The following GALNT18 variants were observed in gnomAD, a reference collection of about 807,000 sequenced individuals.
GALNT18 encodes the protein GalNAc-transferase 18.
In GALNT18, 44 loss-of-function variants were observed where a neutral mutation model predicts 69.5. That is an observed-to-expected ratio of 0.63 (90% CI 0.50 to 0.81). The LOEUF (loss-of-function observed/expected upper bound fraction) is 0.81, where lower values mean the gene tolerates loss of function less well. Among genes scored for constraint, GALNT18 ranks in the 40% least tolerant of loss-of-function variants. The probability of loss-of-function intolerance (pLI) is 0.00; values close to 1 mark genes in which losing one functional copy is unlikely to be tolerated. For synonymous variants in GALNT18, 364 were observed against 318.2 expected (o/e 1.14, Z -1.53); for missense variants, 715 against 810.0 (o/e 0.88, Z 1.42).
At chr11:11,280,403 ACCTCCAGGGAGAAGGATC>A (rs1181953775) in intron 10 of GALNT18, among the ~76,000 whole-genome samples, 2 of 151,842 alleles carry the variant, frequency 1.3e-5, no homozygotes, top group African/African-American at 2.4e-5. Context: ...TCTGCTTGGC[ACCTCCAGGGAGAAGGATC>A]TCACCCCCTC....
chr11:11,422,390 A>G (rs890346530), intron 3 of GALNT18, among the ~76,000 whole-genome samples: 5 of 152,184 alleles, frequency 3.3e-5, no homozygotes, highest in Non-Finnish European at 7.4e-5. Flanking sequence ...GTTGCCAGGT[A>G]TTTGCTGCCA....
At chr11:11,291,153 G>T (rs1849289604) in intron 10 of GALNT18, among the ~76,000 whole-genome samples, 1 of 152,190 alleles carries the variant, frequency 6.6e-6, no homozygotes, top group South Asian at 2.1e-4. Context: ...GAAGGCTTCT[G>T]CTAGGCACAG....
intron 1 of GALNT18, among the ~76,000 whole-genome samples, chr11:11,607,894 T>A (rs1480060925): frequency 2.0e-5 from 3 of 152,256 alleles, no homozygotes; most frequent in Non-Finnish European, 4.4e-5. Context: ...TTCCTGGCAT[T>A]GTCTGCTGCC....
Position 11,271,186 on chromosome 11 carries a change from C to CT in GALNT18, c.1781dup (p.His595AlafsTer71), listed in dbSNP as rs751167868. ...TCAGGACGTTGGTGATGCTCCAGTG[C>CT]TGGCCCGAGCACTTCTGCAACACCA... On this transcript the variant is annotated frameshift_variant, in exon 11 of 11. Coordinates refer to ENST00000227756, the MANE Select transcript of GALNT18 (RefSeq NM_198516.3). LOFTEE classifies it high-confidence loss of function. The CT allele has an allele frequency of 6.2e-7, 1 of 1,614,098 alleles. No individual in the cohort carries two copies. Among genetic ancestry groups the CT allele is most frequent in the Non-Finnish European group, 8.5e-7 (1 of 1,179,990 alleles).
At chr11:11,279,737 A>G (rs1242933652) in intron 10 of GALNT18, among the ~76,000 whole-genome samples, 3 of 152,184 alleles carry the variant, frequency 2.0e-5, no homozygotes, top group Non-Finnish European at 4.4e-5. Context: ...AGCTCTGGGA[A>G]GAAGGGACTG....
At chr11:11,304,589 C>A (rs1490639766) in intron 9 of GALNT18, among the ~76,000 whole-genome samples, 1 of 147,786 alleles carries the variant, frequency 6.8e-6, no homozygotes, top group Non-Finnish European at 1.5e-5. Context: ...GCCTACTCTG[C>A]ATCAGCTTGT....
chr11:11,299,592 G>GT (rs1849458705), intron 9 of GALNT18, among the ~76,000 whole-genome samples: 2 of 152,310 alleles, frequency 1.3e-5, no homozygotes, highest in African/African-American at 4.8e-5. Context: ...CCATTCCTGA[G>GT]TTACTTCATT....
At chr11:11,510,501 C>A (rs147044226) in intron 1 of GALNT18, among the ~76,000 whole-genome samples, 1 of 152,216 alleles carries the variant, frequency 6.6e-6, no homozygotes, top group Non-Finnish European at 1.5e-5. Flanking sequence ...ACTGGGCATG[C>A]AGAAAGTCCC....
intron 3 of GALNT18, among the ~76,000 whole-genome samples, chr11:11,403,642 C>T (rs887477583): frequency 6.6e-6 from 1 of 152,204 alleles, no homozygotes; most frequent in Admixed American, 6.5e-5. Context: ...CTCTCCTCCC[C>T]TGTTATTCTG....
rs544963454 is a variant in GALNT18, at chr11:11,618,246, A to T, written c.235+3113T>A. Among the ~76,000 whole-genome samples the T allele has an allele frequency of 2.5e-4, 38 of 152,348 alleles. 1 individual carries two copies. The South Asian group carries it at 6.6e-3, about 27-fold the overall frequency. ...CCTTCTAACAAAAAGAGGAGCCTGG[A>T]CAAGACTCCAAAGCAAAACACCTTT... On this transcript the variant is annotated intron_variant, in intron 1 of 10. Transcript: ENST00000227756. This position sits in a 1 kb window ranked among gnomAD's most constrained non-coding sequence, Gnocchi z 6.1.
At chr11:11,534,210 C>T (rs1857721818) in intron 1 of GALNT18, among the ~76,000 whole-genome samples, 1 of 152,156 alleles carries the variant, frequency 6.6e-6, no homozygotes, top group African/African-American at 2.4e-5. Flanking sequence ...CACAGCTGGT[C>T]AGAACTAACA....
intron 1 of GALNT18, among the ~76,000 whole-genome samples, chr11:11,534,931 C>T (rs1033817435): frequency 1.3e-5 from 2 of 152,248 alleles, no homozygotes; most frequent in African/African-American, 4.8e-5. Flanking sequence ...GGGAGGAAAA[C>T]GGCACAATGC....
At chr11:11,531,486 C>T (rs1183197816) in intron 1 of GALNT18, among the ~76,000 whole-genome samples, 2 of 152,234 alleles carry the variant, frequency 1.3e-5, no homozygotes, top group African/African-American at 4.8e-5. Context: ...CCTTTCTCTG[C>T]CAGGCTCTGT....
At chr11:11,292,274 A>G (rs192397207) in intron 10 of GALNT18, among the ~76,000 whole-genome samples, 1 of 151,336 alleles carries the variant, frequency 6.6e-6, no homozygotes, top group African/African-American at 2.5e-5. Flanking sequence ...ATCCTACCTT[A>G]GCAGATTCCC....
At position 11,510,429 on chromosome 11, in the gene GALNT18, T is replaced by A. The variant is rs1175537330; in HGVS notation, c.236-61493A>T. Among the ~76,000 whole-genome samples, 5 of 148,996 alleles carry A rather than the reference T, an allele frequency of 3.4e-5. No homozygotes were observed. The East Asian group carries it at 9.7e-4, about 29-fold the overall frequency. On this transcript the variant is annotated intron_variant, in intron 1 of 10. Coordinates refer to ENST00000227756, the MANE Select transcript of GALNT18 (RefSeq NM_198516.3). ...TAAGGCCTCACCATGTTCCAACCTC[T>A]ATTCAGGTCACTTCTGCAAACCTTC...
In GALNT18 at chr11:11,341,247, A is replaced by G. The variant is rs1200631741; in HGVS notation, c.1093-243T>C. ...GTGGATTTACCAACAAAAAAAATGA[A>G]TGCACTTTTTCCCTCCACCTGTGAG... On this transcript the variant is annotated intron_variant, in intron 6 of 10. Coordinates refer to ENST00000227756, the MANE Select transcript of GALNT18 (RefSeq NM_198516.3). This position sits in a 1 kb window ranked among gnomAD's most constrained non-coding sequence, Gnocchi z 6.3. Among the ~76,000 whole-genome samples the G allele has an allele frequency of 5.3e-5, 8 of 152,168 alleles. No individual in the cohort carries two copies. The highest frequency in any genetic ancestry group is 1.2e-4 in the Non-Finnish European group (8 of 68,028).
At chr11:11,477,835 C>T (rs113611945) in intron 1 of GALNT18, among the ~76,000 whole-genome samples, 10 of 152,160 alleles carry the variant, frequency 6.6e-5, no homozygotes, top group African/African-American at 2.4e-4. Context: ...GTAATTACAC[C>T]CCAGGAGTCT....
chr11:11,334,058 C>T (rs554811527), intron 7 of GALNT18, among the ~76,000 whole-genome samples: 2 of 152,222 alleles, frequency 1.3e-5, no homozygotes, highest in South Asian at 2.1e-4. Flanking sequence ...GTGGAACTCT[C>T]TCTCACCGAC....
At position 11,309,222 on chromosome 11, in the gene GALNT18, C is replaced by T. The variant is rs549644770; in HGVS notation, c.1513-16029G>A. On this transcript the variant is annotated intron_variant, in intron 9 of 10. Coordinates refer to ENST00000227756, the MANE Select transcript of GALNT18 (RefSeq NM_198516.3). The surrounding 1 kb of genome is among the most constrained non-coding windows in gnomAD (Gnocchi z 4.6). ...GATGACACCACAAGAAGGCCCTCAC[C>T]GGATGCTGGCCCCTTGATATTGGCC... 5.3e-5 allele frequency among the ~76,000 whole-genome samples: 8 copies of T among 152,260 alleles called. No homozygotes were observed. Among genetic ancestry groups the T allele is most frequent in the African/African-American group, 7.2e-5 (3 of 41,542 alleles).
Sources: gnomAD v4.1 joint callset for allele counts (sites outside exome capture counted in the v4.1 genomes callset) on GRCh38, gnomAD v4.1.1 for gene constraint, Gnocchi (gnomAD v3.1) non-coding constraint, MANE v1.5 for transcripts, NCBI Gene and HGNC (gene_info 2026-07-23, HGNC 2026-07-21) for gene names.